AKAP9: variants seen among roughly 807,000 people sequenced by gnomAD.
The protein encoded by AKAP9 is A-kinase anchoring protein 9, also known as A-kinase anchor protein 9.
AKAP9 carries 311 observed loss-of-function variants against 488.5 expected under a neutral mutation model. That is an observed-to-expected ratio of 0.64 (90% confidence interval 0.58 to 0.70). AKAP9 has a LOEUF of 0.70. AKAP9 is among the 30% of genes least tolerant of loss of function. AKAP9 has a pLI of 0.00. For missense variants in AKAP9, 4,215 were observed against 4,374.5 expected, an observed-to-expected ratio of 0.96 and a Z score of 1.03; for synonymous variants, 1,462 against 1,483.5, an observed-to-expected ratio of 0.99 and a Z score of 0.33.
Position 92,079,164 on chromosome 7 carries a change from A to C in AKAP9, c.7031A>C (p.Asn2344Thr). 6.2e-7 allele frequency: 1 copy of C among 1,614,034 alleles called. No homozygotes were observed. Among genetic ancestry groups the C allele is most frequent in the African/African-American group, 1.3e-5 (1 of 75,054 alleles). ...AGTGATCAAGAATGTGTGAAGAGAA[A>C]TAGAGAAGAAGAAATAGAGCAGCTC... ...LMSDQECVKR[N>T]REEEIEQLNE... Residue 2344 changes from asparagine (N) to threonine (T), a missense_variant, in exon 31 of 50, where the codon AAT becomes ACT. Physicochemically the swap from Asn to Thr is moderately conservative, Grantham distance 65. Coordinates refer to ENST00000356239, the MANE Select transcript of AKAP9 (RefSeq NM_005751.5).
intron 21 of AKAP9, among the ~76,000 whole-genome samples, chr7:92,045,745 C>G (rs1488917874): frequency 6.6e-6 from 1 of 151,956 alleles, no homozygotes; most frequent in Non-Finnish European, 1.5e-5. Context: ...GTGTATGGAT[C>G]CAGAGATTAG....
intron 32 of AKAP9, 73 bp from the exon 33 acceptor site, chr7:92,083,097 A>C: frequency 1.9e-6 from 3 of 1,545,836 alleles, no homozygotes; most frequent in Non-Finnish European, 2.7e-6. Flanking sequence ...TTCCTCCCAC[A>C]CCCTTTAAAT....
chr7:91,954,578 T>C (rs894937167), intron 1 of AKAP9, among the ~76,000 whole-genome samples: 11 of 152,194 alleles, frequency 7.2e-5, no homozygotes, highest in Non-Finnish European at 1.0e-4. Flanking sequence ...CCAGTAAATA[T>C]ACTTTAAAAA....
At chr7:92,102,488 T>TACTACTACTACTACC (rs1263143023) in intron 45 of AKAP9, 106 bp from the exon 46 acceptor site, 27 of 540,916 alleles carry the variant, frequency 5.0e-5, no homozygotes, top group African/African-American at 1.2e-4. Context: ...CTACTACTAC[T>TACTACTACTACTACC]ACCACCACCA....
intron 3 of AKAP9, among the ~76,000 whole-genome samples, 185 bp downstream of exon 3, chr7:91,980,518 T>TTTTTTA (rs1554393473): frequency 7.0e-6 from 1 of 143,030 alleles, no homozygotes; most frequent in African/African-American, 2.6e-5. Context: ...TTTTTTTTTT[T>TTTTTTA]CAGATTATTA....
At position 92,099,830 on chromosome 7, in the gene AKAP9, G is replaced by A. The variant is rs1197633123; in HGVS notation, c.10857G>A (p.Gln3619=). The A allele has an allele frequency of 1.9e-6, 3 of 1,614,074 alleles. No individual in the cohort carries two copies. The highest frequency in any genetic ancestry group is 1.1e-5 in the South Asian group (1 of 91,076). Residue 3619 remains glutamine (Q), a synonymous_variant, in exon 44 of 50, where the codon CAG becomes CAA. Transcript: ENST00000356239. The stretch of plus-strand genomic sequence containing the variant: ...ACATGGTTATGAAGCTGGAAGAGCA[G>A]ATCAGGTGGTATCGACAGACAGGAG... ...LRNMVMKLEE[Q]IRWYRQTGAG...
intron 22 of AKAP9, among the ~76,000 whole-genome samples, chr7:92,059,308 G>T (rs886108304): frequency 1.2e-4 from 18 of 151,830 alleles, no homozygotes. Context: ...AATGGAAGAG[G>T]ATTCTTTAAA....
intron 45 of AKAP9, 126 bp from the exon 46 acceptor site, chr7:92,102,466 CTA>C: frequency 4.4e-6 from 3 of 674,750 alleles, no homozygotes; most frequent in East Asian, 5.5e-5. Context: ...ACTACTACTA[CTA>C]CTACTACTAC....
intron 12 of AKAP9, among the ~76,000 whole-genome samples, chr7:92,019,022 C>T (rs964051539): frequency 6.6e-6 from 1 of 152,192 alleles, no homozygotes; most frequent in Non-Finnish European, 1.5e-5. Context: ...TCTCTTTTCA[C>T]TCCTGGTCTT....
chr7:91,992,930 C>CA lies in AKAP9; in HGVS notation c.453dup (p.Asp152ArgfsTer12). ...TGATTCTTATTCTGAACAAGGAGCA[C>CA]AAGACAGTCCGACTCATCTAGAGAT... is the stretch of plus-strand genomic sequence containing the variant. On this transcript the variant is annotated frameshift_variant, in exon 5 of 50. Coordinates refer to ENST00000356239, the MANE Select transcript of AKAP9 (RefSeq NM_005751.5). LOFTEE classifies it high-confidence loss of function. 2 of 1,613,948 alleles carry CA rather than the reference C, an allele frequency of 1.2e-6. No homozygotes were observed. The highest frequency in any genetic ancestry group is 1.7e-6 in the Non-Finnish European group (2 of 1,179,952).
At chr7:92,109,614 C>T (rs1425784293) in intron 49 of AKAP9, among the ~76,000 whole-genome samples, 1 of 152,144 alleles carries the variant, frequency 6.6e-6, no homozygotes, top group Admixed American at 6.5e-5. Flanking sequence ...GTGATTTTTA[C>T]ATATATATTC....
Position 92,070,911 on chromosome 7 carries a change from G to C in AKAP9, c.6514G>C (p.Asp2172His). ...AATTTTTATATATTTAAAGGTAGAGGACCGAAAACACTTTGGAGCTGTAGA... is the reference window on the plus strand; with the variant it reads ...AATTTTTATATATTTAAAGGTAGAGCACCGAAAACACTTTGGAGCTGTAGA... ...VSADTFQKVEDRKHFGAVEAK... is the reference protein window; with the variant it reads ...VSADTFQKVEHRKHFGAVEAK... Residue 2172 changes from aspartate to histidine, a missense_variant, in exon 28 of 50, where the codon GAC (aspartate) becomes CAC (histidine). Asp to His is a moderately conservative substitution (Grantham distance 81). This residue lies in a region of AKAP9 where 2,361 missense variants were observed against 2,430.0 expected (regional missense o/e 0.97). Transcript: ENST00000356239. 1 of 1,611,198 alleles carries C rather than the reference G, an allele frequency of 6.2e-7. No individual in the cohort carries two copies. The highest frequency in any genetic ancestry group is 8.5e-7 in the Non-Finnish European group (1 of 1,177,924).
intron 1 of AKAP9, among the ~76,000 whole-genome samples, chr7:91,973,058 T>C (rs947115016): frequency 9.2e-5 from 14 of 152,150 alleles, no homozygotes; most frequent in African/African-American, 3.4e-4. Context: ...CATGTGTGTA[T>C]GTGTGTGTTT....
At chr7:92,028,682 C>T (rs936864028) in intron 14 of AKAP9, among the ~76,000 whole-genome samples, 4 of 152,088 alleles carry the variant, frequency 2.6e-5, no homozygotes, top group African/African-American at 4.8e-5. Context: ...ATTGTTATAA[C>T]CCCCGATTGC....
chr7:91,974,208 A>G (rs1274433005), intron 2 of AKAP9, among the ~76,000 whole-genome samples: 3 of 152,244 alleles, frequency 2.0e-5, no homozygotes, highest in Non-Finnish European at 2.9e-5. Flanking sequence ...CACCAGAGTT[A>G]CAAAGATGGA....
intron 16 of AKAP9, among the ~76,000 whole-genome samples, chr7:92,032,210 G>C (rs1430714757): frequency 6.6e-6 from 1 of 152,044 alleles, no homozygotes; most frequent in East Asian, 1.9e-4. Context: ...TTTAATATTG[G>C]AACTGGCCGG....
At chr7:92,054,065 GAAT>G (rs1354186399) in intron 22 of AKAP9, among the ~76,000 whole-genome samples, 1 of 152,066 alleles carries the variant, frequency 6.6e-6, no homozygotes, top group African/African-American at 2.4e-5. Context: ...TTTCTTAAGT[GAAT>G]AATATTTTTC....
At chr7:91,990,421 T>C (rs191405575) in intron 3 of AKAP9, among the ~76,000 whole-genome samples, 1 of 152,242 alleles carries the variant, frequency 6.6e-6, no homozygotes, top group East Asian at 1.9e-4. Context: ...GTGTTTTAGT[T>C]TAGTTCTGGT....
chr7:91,985,833 G>A (rs1343453627), intron 3 of AKAP9, among the ~76,000 whole-genome samples: 2 of 152,120 alleles, frequency 1.3e-5, no homozygotes, highest in Non-Finnish European at 2.9e-5. Context: ...ATTTTTATTA[G>A]AGATGGGGTT....
Sources: gnomAD v4.1 joint callset for allele counts (sites outside exome capture counted in the v4.1 genomes callset) on GRCh38, gnomAD v4.1.1 for gene constraint, gnomAD v4.1.1 regional missense constraint, MANE v1.5 for transcripts, NCBI Gene and HGNC (gene_info 2026-07-23, HGNC 2026-07-21) for gene names.